Variants in ADCY2 observed in about 807,000 individuals in gnomAD.
The protein encoded by ADCY2 is adenylate cyclase 2, also known as adenylate cyclase type 2.
A neutral mutation model predicts 125.2 loss-of-function variants in ADCY2; 31 were observed. The ratio of observed to expected loss-of-function variants is 0.25; its 90% CI spans 0.19 to 0.33. The LOEUF (loss-of-function observed/expected upper bound fraction) is 0.33. Among genes scored for constraint, ADCY2 ranks in the 10% least tolerant of loss-of-function variants. The pLI, the probability that ADCY2 is intolerant of heterozygous loss-of-function variation, is 1.00. For synonymous variants in ADCY2, 512 were observed against 548.4 expected, an observed-to-expected ratio of 0.93 and a Z score of 0.93; for missense variants, 904 against 1,418.2, an observed-to-expected ratio of 0.64 and a Z score of 5.82.
At chr5:7,656,055 T>TA (rs1056656994) in intron 4 of ADCY2, among the ~76,000 whole-genome samples, 1 of 93,654 alleles carries the variant, frequency 1.1e-5, no homozygotes, top group African/African-American at 6.1e-5. Flanking sequence ...TTTCATTTTC[T>TA]TTTTTTTTTT....
Position 7,483,432 on chromosome 5 carries a change from T to C in ADCY2, c.409-37306T>C, listed in dbSNP as rs1044708451. Among the ~76,000 whole-genome samples, 28 of 152,224 alleles carry C rather than the reference T, an allele frequency of 1.8e-4. 1 individual carries two copies. Among genetic ancestry groups the C allele is most frequent in the African/African-American group, 5.1e-4 (21 of 41,554 alleles). Reference sequence around the variant, plus strand: ...TGCAGTACATAAAAAAAAAAAAGCATTTCATCTTAGAGAGACCAGTGGCAT... The same window carrying C: ...TGCAGTACATAAAAAAAAAAAAGCACTTCATCTTAGAGAGACCAGTGGCAT... On this transcript the variant is annotated intron_variant, in intron 2 of 24. Transcript: ENST00000338316.
At chr5:7,520,970 G>A (rs3828628) in intron 3 of ADCY2, 71 bp downstream of exon 3, 357,122 of 1,576,390 alleles carry the variant, frequency 0.23, 42,149 homozygotes, top group South Asian at 0.34. Flanking sequence ...GGTGCTGCTG[G>A]CCCATTCAGG....
At chr5:7,470,590 G>A (rs539570030) in intron 2 of ADCY2, among the ~76,000 whole-genome samples, 2 of 147,336 alleles carry the variant, frequency 1.4e-5, no homozygotes, top group Non-Finnish European at 3.0e-5. Flanking sequence ...CTATATAATT[G>A]TATATTAGGC....
chr5:7,567,929 TTCTC>T (rs10590625), intron 3 of ADCY2, among the ~76,000 whole-genome samples: 22,967 of 145,526 alleles, frequency 0.16, 1,936 homozygotes, highest in Non-Finnish European at 0.2. Flanking sequence ...CGTCCTCTCT[TTCTC>T]TCTCTCTCTC....
rs1239928604 is a variant in ADCY2, at chr5:7,584,910, G to A, written c.571-41257G>A. Among the ~76,000 whole-genome samples the A allele has an allele frequency of 3.3e-5, 5 of 152,262 alleles. No individual in the cohort carries two copies. The East Asian group carries it at 9.6e-4, about 29-fold the overall frequency. On this transcript the variant is annotated intron_variant, in intron 3 of 24. Coordinates refer to ENST00000338316, the MANE Select transcript of ADCY2 (RefSeq NM_020546.3). ...ACAATTTATACCTTCACTATTGAAA[G>A]TGATGCAGAGATGAAATACACAGCA...
At chr5:7,691,586 C>T (rs1490981050) in intron 5 of ADCY2, 1 of 152,176 alleles carries the variant, frequency 6.6e-6, no homozygotes, top group Non-Finnish European at 1.5e-5. Flanking sequence ...CCATTTCTCT[C>T]CTGCCCCTGT....
chr5:7,521,876 A>G (rs533301548), intron 3 of ADCY2, among the ~76,000 whole-genome samples: 2 of 152,330 alleles, frequency 1.3e-5, no homozygotes, highest in East Asian at 3.9e-4. Flanking sequence ...AGTAGCCAGG[A>G]AAACCTGCAT....
intron 22 of ADCY2, among the ~76,000 whole-genome samples, chr5:7,810,503 T>G (rs1013326750): frequency 9.2e-5 from 14 of 152,108 alleles, no homozygotes; most frequent in Non-Finnish European, 1.6e-4. Flanking sequence ...GTGGGTTATT[T>G]TCCTGATTGA....
At position 7,695,866 on chromosome 5, in the gene ADCY2, G is replaced by A. The variant is rs1327308733; in HGVS notation, c.981+3G>A. On this transcript the variant is annotated splice_donor_region_variant and intron_variant, in intron 6 of 24. Transcript: ENST00000338316. ...GAAAGTTTGATCAAATTGCAAAGGT[G>A]AGTATTATGGATTCTTTTCTTCTCT... The A allele has an allele frequency of 7.6e-6, 12 of 1,585,336 alleles. No individual in the cohort carries two copies. The highest frequency in any genetic ancestry group is 1.1e-5 in the South Asian group (1 of 89,078).
intron 2 of ADCY2, among the ~76,000 whole-genome samples, chr5:7,498,246 T>TG: frequency 7.4e-6 from 1 of 134,964 alleles, no homozygotes; most frequent in Admixed American, 7.3e-5. Context: ...TTCGTTTTTT[T>TG]TTTTTTTTTT....
At chr5:7,522,110 A>C (rs1192613699) in intron 3 of ADCY2, among the ~76,000 whole-genome samples, 1 of 152,184 alleles carries the variant, frequency 6.6e-6, no homozygotes. Flanking sequence ...ATCCAATGAG[A>C]GAATGAAGGT....
intron 17 of ADCY2, among the ~76,000 whole-genome samples, chr5:7,769,941 C>T (rs1352031931): frequency 6.6e-6 from 1 of 152,168 alleles, no homozygotes; most frequent in Non-Finnish European, 1.5e-5. Flanking sequence ...TATCCTATTG[C>T]CAGAATCGCT....
At chr5:7,413,414 C>T (rs1017718364) in intron 1 of ADCY2, among the ~76,000 whole-genome samples, 5 of 152,104 alleles carry the variant, frequency 3.3e-5, no homozygotes, top group African/African-American at 7.2e-5. Context: ...CTGTCTCAGC[C>T]TCCGGAGTAG....
At chr5:7,804,095 A>T (rs1352264946) in intron 21 of ADCY2, among the ~76,000 whole-genome samples, 1 of 117,018 alleles carries the variant, frequency 8.5e-6, no homozygotes, top group Non-Finnish European at 1.9e-5. Context: ...TTCCTAATAC[A>T]TATATTAGGC....
chr5:7,667,123 C>A (rs1008249029), intron 4 of ADCY2, among the ~76,000 whole-genome samples: 12 of 152,080 alleles, frequency 7.9e-5, no homozygotes, highest in African/African-American at 2.2e-4. Flanking sequence ...AGCATATGAG[C>A]AAATAAACTG....
intron 3 of ADCY2, among the ~76,000 whole-genome samples, chr5:7,522,925 C>CA (rs10714681): frequency 8.3e-5 from 12 of 145,344 alleles, no homozygotes; most frequent in African/African-American, 1.3e-4. Context: ...AACTCCGTCT[C>CA]AAAAAAAAAA....
chr5:7,589,458 A>AGAAAGAAAG (rs1554022168), intron 3 of ADCY2, among the ~76,000 whole-genome samples: 10 of 73,010 alleles, frequency 1.4e-4, no homozygotes, highest in African/African-American at 4.6e-4. Flanking sequence ...GAAGGAAAGA[A>AGAAAGAAAG]AAAGAAAGAA....
At chr5:7,753,640 T>G (rs150057203) in intron 15 of ADCY2, among the ~76,000 whole-genome samples, 1 of 152,128 alleles carries the variant, frequency 6.6e-6, no homozygotes, top group Non-Finnish European at 1.5e-5. Flanking sequence ...AAGAGCCAAG[T>G]TGTAATTTTT....
intron 7 of ADCY2, among the ~76,000 whole-genome samples, chr5:7,704,976 A>T (rs904718404): frequency 3.3e-5 from 5 of 152,052 alleles, no homozygotes; most frequent in Non-Finnish European, 7.4e-5. Flanking sequence ...TTAATGTTTT[A>T]ACCAGTCAGC....
Sources: allele counts gnomAD v4.1 joint callset (sites outside exome capture counted in the v4.1 genomes callset), GRCh38; gene constraint gnomAD v4.1.1; transcripts MANE v1.5; gene names NCBI Gene and HGNC (gene_info 2026-07-23, HGNC 2026-07-21).